FGF12: variants seen among roughly 807,000 people sequenced by gnomAD.
FGF12 encodes fibroblast growth factor 12, also known as fibroblast growth factor 12B.
A neutral mutation model predicts 23.6 loss-of-function variants in FGF12; 14 were observed. The ratio of observed to expected loss-of-function variants is 0.59; its 90% CI spans 0.39 to 0.93. The LOEUF (loss-of-function observed/expected upper bound fraction) is 0.93, where lower values mean the gene tolerates loss of function less well. Ranked by LOEUF, FGF12 falls within the 40% of genes least tolerant of loss-of-function variation. The pLI, the probability that FGF12 is intolerant of heterozygous loss-of-function variation, is 0.00. For synonymous variants in FGF12, 62 were observed against 77.3 expected (o/e 0.80, Z 1.04); for missense variants, 175 against 217.8 (o/e 0.80, Z 1.24).
chr3:192,175,117 A>G (rs1715783949), intron 4 of FGF12, among the ~76,000 whole-genome samples: 1 of 152,196 alleles, frequency 6.6e-6, no homozygotes, highest in African/African-American at 2.4e-5. Context: ...ACAATCACAT[A>G]TATTCAGAAG....
chr3:192,237,294 T>A (rs1383245966), intron 4 of FGF12, among the ~76,000 whole-genome samples: 1 of 152,186 alleles, frequency 6.6e-6, no homozygotes, highest in Non-Finnish European at 1.5e-5. Context: ...TTTCGAAGAA[T>A]CTGATGACTA....
intron 2 of FGF12, among the ~76,000 whole-genome samples, chr3:192,542,601 T>C (rs971783171): frequency 2.4e-4 from 37 of 152,268 alleles, no homozygotes; most frequent in African/African-American, 8.4e-4. Context: ...TGGGTATTTA[T>C]TGTAGTCTTC....
intron 2 of FGF12, among the ~76,000 whole-genome samples, chr3:192,535,299 C>G (rs1026675046): frequency 2.0e-5 from 3 of 152,174 alleles, no homozygotes; most frequent in Admixed American, 6.5e-5. Context: ...AGTCTTTCAT[C>G]CATATATCCA....
chr3:192,567,790 TTTC>T (rs752467015), intron 2 of FGF12, among the ~76,000 whole-genome samples: 2,951 of 135,678 alleles, frequency 0.022, 46 homozygotes, highest in Middle Eastern at 0.05. Flanking sequence ...TCTTTCTTTC[TTTC>T]TTTCTTTCTC....
rs1179048632 is a variant in FGF12, at chr3:192,345,547, C to T, written c.125-10083G>A. Among the ~76,000 whole-genome samples, 9 of 94,120 alleles carry T rather than the reference C, an allele frequency of 9.6e-5. 3 individuals are homozygous for T. The highest frequency in any genetic ancestry group is 1.6e-4 in the Non-Finnish European group (9 of 56,150). 61.7% of individuals were successfully genotyped at this position (94,120 alleles called of 152,430 possible). ...CTAAAAATACAAAAAATTAGCCGGG[C>T]GTGGTAGCGGGCGCCTGTAGTCCCA... On this transcript the variant is annotated intron_variant, in intron 3 of 5. Transcript: ENST00000445105.
intron 5 of FGF12, among the ~76,000 whole-genome samples, chr3:192,158,399 T>C (rs1363014881): frequency 1.3e-3 from 52 of 39,264 alleles, no homozygotes; most frequent in African/African-American, 0.011. Flanking sequence ...TTCTCTCTCT[T>C]TCTTTTTCTT....
intron 2 of FGF12, among the ~76,000 whole-genome samples, chr3:192,645,672 A>G (rs1345553090): frequency 1.3e-5 from 2 of 151,046 alleles, no homozygotes; most frequent in Non-Finnish European, 3.0e-5. Flanking sequence ...GGTGGTAATT[A>G]AAGTCAAATG....
intron 4 of FGF12, among the ~76,000 whole-genome samples, chr3:192,215,096 C>A (rs1265908450): frequency 6.6e-6 from 1 of 152,184 alleles, no homozygotes; most frequent in Non-Finnish European, 1.5e-5. Context: ...ATCGGCTCTT[C>A]CCGAACTCTC....
chr3:192,405,457 T>C (rs1257323039), intron 2 of FGF12, among the ~76,000 whole-genome samples: 2 of 151,180 alleles, frequency 1.3e-5, no homozygotes, highest in Non-Finnish European at 1.5e-5. Context: ...CCCTAGAAAG[T>C]CTGGTCAATG....
chr3:192,532,059 A>G (rs1725101678), intron 2 of FGF12, among the ~76,000 whole-genome samples: 1 of 152,112 alleles, frequency 6.6e-6, no homozygotes. Flanking sequence ...AATTAGCTAT[A>G]AGTGTTTGGC....
chr3:192,660,992 A>AAAT lies in FGF12; in HGVS notation c.13+66186_13+66188dup, dbSNP rs1553844927. ...AGAAAACCCTAGTTCTTTAAAAAAA[A>AAAT]AATAATAATTTAATATTAAGAAAAA... On this transcript the variant is annotated intron_variant, in intron 2 of 5. Coordinates refer to ENST00000445105, the MANE Select transcript of FGF12 (RefSeq NM_004113.6). Among the ~76,000 whole-genome samples the AAAT allele has an allele frequency of 3.7e-3, 565 of 151,090 alleles. 3 individuals carry two copies. Among genetic ancestry groups the AAAT allele is most frequent in the African/African-American group, 0.013 (541 of 41,268 alleles).
At chr3:192,721,130 C>T (rs1363152817) in intron 2 of FGF12, among the ~76,000 whole-genome samples, 4 of 152,126 alleles carry the variant, frequency 2.6e-5, no homozygotes, top group East Asian at 1.9e-4. Flanking sequence ...TATTGAGTGT[C>T]GTGCAGTATA....
In FGF12 at chr3:192,227,486, C is replaced by G. The variant is rs180764153; in HGVS notation, c.229-56830G>C. ...CTTCCTCATATTTCCCTTTATCTGA[C>G]TAATGGAATATGGAAAGCAATGTTT... On this transcript the variant is annotated intron_variant, in intron 4 of 5. Transcript: ENST00000445105. 6.7e-5 allele frequency among the ~76,000 whole-genome samples: 10 copies of G among 148,470 alleles called. No individual in the cohort carries two copies. In the East Asian group the frequency reaches 2.0e-3, roughly 30 times the overall value.
Position 192,201,843 on chromosome 3 carries a change from C to T in FGF12, c.229-31187G>A, listed in dbSNP as rs189832358. 1.4e-4 allele frequency among the ~76,000 whole-genome samples: 21 copies of T among 152,296 alleles called. No individual in the cohort carries two copies. In the East Asian group the frequency reaches 4.0e-3, roughly 29 times the overall value. On this transcript the variant is annotated intron_variant, in intron 4 of 5. Transcript: ENST00000445105. The stretch of plus-strand genomic sequence containing the variant: ...CTGTAATTAATGACTTTGCTAATAA[C>T]AGCCCCGTGTTTGTGCACATTGATT...
intron 4 of FGF12, among the ~76,000 whole-genome samples, chr3:192,287,194 T>C (rs1398673938): frequency 6.6e-6 from 1 of 152,078 alleles, no homozygotes; most frequent in African/African-American, 2.4e-5. Context: ...ACTACCATAA[T>C]AATTTATGAA....
intron 2 of FGF12, among the ~76,000 whole-genome samples, chr3:192,664,778 C>T (rs1266319784): frequency 6.6e-6 from 1 of 151,822 alleles, no homozygotes; most frequent in South Asian, 2.1e-4. Context: ...ACAACAACTA[C>T]AACAAAAAGT....
At chr3:192,278,509 C>T (rs189395519) in intron 4 of FGF12, among the ~76,000 whole-genome samples, 11 of 152,268 alleles carry the variant, frequency 7.2e-5, no homozygotes, top group South Asian at 2.1e-4. Context: ...TTTGACTGAA[C>T]GGCATTCCCA....
At chr3:192,635,007 G>A (rs930830733) in intron 2 of FGF12, among the ~76,000 whole-genome samples, 4 of 152,048 alleles carry the variant, frequency 2.6e-5, no homozygotes, top group African/African-American at 7.2e-5. Flanking sequence ...TTACAGGCGC[G>A]TGCCACCACA....
rs542265727 is a variant in FGF12 at position 192,172,394 on chromosome 3, C to G, written c.229-1738G>C. 1.1e-4 allele frequency among the ~76,000 whole-genome samples: 15 copies of G among 139,340 alleles called. 1 individual carries two copies. In the South Asian group the frequency reaches 2.4e-3, roughly 22 times the overall value. 91.4% of individuals were successfully genotyped at this position (139,340 alleles called of 152,430 possible). ...CACAGTGAAATGGATCTCAACCCCC[C>G]CTTCAAAAAAAAGTCCAAGAAAACA... On this transcript the variant is annotated intron_variant, in intron 4 of 5. Transcript: ENST00000445105.
Sources: allele counts gnomAD v4.1 joint callset (sites outside exome capture counted in the v4.1 genomes callset), GRCh38; gene constraint gnomAD v4.1.1; transcripts MANE v1.5; gene names NCBI Gene and HGNC (gene_info 2026-07-23, HGNC 2026-07-21).